Variants in ZNF418 observed in about 807,000 individuals in gnomAD.
The protein encoded by ZNF418 is zinc finger protein 418.
ZNF418 carries 32 observed loss-of-function variants against 32.0 expected under a neutral mutation model. The observed-to-expected ratio is 1.00, with a 90% confidence interval of 0.75 to 1.34. ZNF418 has a LOEUF of 1.34. ZNF418 is among the 40% of genes most tolerant of loss of function. The pLI, the probability that ZNF418 is intolerant of heterozygous loss-of-function variation, is 0.00. For missense variants in ZNF418, 804 were observed against 812.5 expected, an observed-to-expected ratio of 0.99 and a Z score of 0.13; for synonymous variants, 276 against 270.7, an observed-to-expected ratio of 1.02 and a Z score of -0.19.
At chr19:57,930,266 G>A (rs2072429914) in intron 3 of ZNF418, among the ~76,000 whole-genome samples, 162 bp downstream of exon 3, 1 of 152,154 alleles carries the variant, frequency 6.6e-6, no homozygotes, top group South Asian at 2.1e-4. Context: ...AGAAAAGGCA[G>A]TACACAAACC....
intron 4 of ZNF418, among the ~76,000 whole-genome samples, 184 bp downstream of exon 4, chr19:57,925,439 C>A (rs1183030175): frequency 1.4e-5 from 2 of 147,226 alleles, no homozygotes; most frequent in Admixed American, 6.9e-5. Flanking sequence ...CCAGCCTGGG[C>A]GACAGAGCGA....
chr19:57,923,456 A>G (rs895176779), intron 4 of ZNF418, among the ~76,000 whole-genome samples, 167 bp from the exon 5 acceptor site: 1 of 148,164 alleles, frequency 6.7e-6, no homozygotes. Context: ...ATATACACAC[A>G]TATATATACA....
chr19:57,928,835 T>G (rs950155033), intron 3 of ZNF418, among the ~76,000 whole-genome samples: 6 of 151,740 alleles, frequency 4.0e-5, no homozygotes, highest in African/African-American at 1.4e-4. Flanking sequence ...CTACTAAAAA[T>G]ACAAAAAAAT....
intron 1 of ZNF418, chr19:57,934,219 T>G: frequency 5.6e-6 from 6 of 1,075,336 alleles, no homozygotes; most frequent in African/African-American, 1.7e-5. Flanking sequence ...CACCCTCTAA[T>G]TCCCTCTGTG....
intron 3 of ZNF418, among the ~76,000 whole-genome samples, chr19:57,928,789 C>T (rs537438766): frequency 5.3e-5 from 8 of 151,972 alleles, no homozygotes; most frequent in African/African-American, 1.2e-4. Context: ...GTCAGGAGAT[C>T]GAGACCATCC....
intron 1 of ZNF418, chr19:57,934,141 TAAG>T: frequency 7.6e-7 from 1 of 1,316,804 alleles, no homozygotes; most frequent in Non-Finnish European, 9.7e-7. Flanking sequence ...AAATGGCAAG[TAAG>T]AGTCCCAGGA....
intron 3 of ZNF418, among the ~76,000 whole-genome samples, chr19:57,929,964 G>A (rs1049813758): frequency 6.6e-6 from 1 of 152,134 alleles, no homozygotes; most frequent in African/African-American, 2.4e-5. Context: ...GATTACAGGC[G>A]TGAGCCACCG....
chr19:57,930,107 C>T (rs2072421165), intron 3 of ZNF418, among the ~76,000 whole-genome samples: 1 of 152,180 alleles, frequency 6.6e-6, no homozygotes, highest in African/African-American at 2.4e-5. Context: ...GAAGTAGAAC[C>T]TGGACACACA....
rs367803970 is a variant in ZNF418 at position 57,933,753 on chromosome 19, C to T, written c.6+64G>A. The T allele has an allele frequency of 4.0e-5, 64 of 1,600,066 alleles. No individual in the cohort carries two copies. In the African/African-American group the frequency reaches 8.6e-4, roughly 21 times the overall value. Reference sequence around the variant, plus strand: ...AAAGGAAAATCTAGTTGCCATTTTACAAACTGTGAATCTTGAATCCAGCCA... The same window carrying T: ...AAAGGAAAATCTAGTTGCCATTTTATAAACTGTGAATCTTGAATCCAGCCA... On this transcript the variant is annotated intron_variant, in intron 2 of 5. Transcript: ENST00000396147.
chr19:57,932,189 C>G (rs1362884375), intron 2 of ZNF418, among the ~76,000 whole-genome samples: 1 of 152,182 alleles, frequency 6.6e-6, no homozygotes, highest in Non-Finnish European at 1.5e-5. Context: ...AAACCCAGTA[C>G]AAAGTATAAT....
intron 3 of ZNF418, among the ~76,000 whole-genome samples, chr19:57,929,282 T>G (rs983927923): frequency 1.3e-5 from 2 of 152,206 alleles, no homozygotes; most frequent in African/African-American, 4.8e-5. Context: ...TGATACGATT[T>G]GAAGAAAATC....
Position 57,927,632 on chromosome 19 carries a change from C to T in ZNF418, c.549G>A (p.Gly183=), listed in dbSNP as rs760795447. 6.2e-7 allele frequency: 1 copy of T among 1,613,846 alleles called. No individual in the cohort carries two copies. The highest frequency in any genetic ancestry group is 8.5e-7 in the Non-Finnish European group (1 of 1,179,900). ...ACTCAGGTTTGCTGTTTGACTTCTC[C>T]CCAGTGTGAGTGGCCTCCTGCAGCA... ...GLLLQEATHT[G]EKSNSKPECE... The change falls in exon 4 of 6, where the codon GGG becomes GGA. Residue 183 remains glycine (G), a synonymous_variant. Coordinates refer to ENST00000396147, the MANE Select transcript of ZNF418 (RefSeq NM_133460.3).
chr19:57,928,663 A>AC (rs1409973666), intron 3 of ZNF418, among the ~76,000 whole-genome samples: 3 of 152,286 alleles, frequency 2.0e-5, no homozygotes, highest in Non-Finnish European at 4.4e-5. Flanking sequence ...AAAATGATTT[A>AC]CAAGACAACA....
At chr19:57,932,501 C>T in intron 2 of ZNF418, 1 of 1,535,314 alleles carries the variant, frequency 6.5e-7, no homozygotes, top group East Asian at 2.4e-5. Context: ...TGCATGGCTC[C>T]ACATCCCCAC....
chr19:57,927,887 T>C lies in ZNF418; in HGVS notation c.294A>G (p.Ala98=), dbSNP rs748988325. ...GAILGDILHL[A]DHQGTHHKQK... is the part of the protein sequence containing the mutation. ...GCTTGTGATGTGTCCCCTGATGATC[T>C]GCCAAGTGCAAAATGTCTCCCAAGA... Residue 98 remains alanine (A), a synonymous_variant, in exon 4 of 6, where the codon GCA becomes GCG. Coordinates refer to ENST00000396147, the MANE Select transcript of ZNF418 (RefSeq NM_133460.3). 6.2e-7 allele frequency: 1 copy of C among 1,614,136 alleles called. No individual in the cohort carries two copies. The highest frequency in any genetic ancestry group is 8.5e-7 in the Non-Finnish European group (1 of 1,180,028).
intron 4 of ZNF418, among the ~76,000 whole-genome samples, chr19:57,923,750 A>T (rs977865679): frequency 6.6e-6 from 1 of 150,938 alleles, no homozygotes; most frequent in Non-Finnish European, 1.5e-5. Flanking sequence ...AATTTTTTGT[A>T]TTTTTTTAGT....
intron 3 of ZNF418, among the ~76,000 whole-genome samples, chr19:57,930,058 T>C (rs1194107458): frequency 6.6e-6 from 1 of 152,206 alleles, no homozygotes; most frequent in African/African-American, 2.4e-5. Flanking sequence ...TGGCAATTCC[T>C]GCCACAGGCA....
chr19:57,928,681 G>C (rs2072351083), intron 3 of ZNF418, among the ~76,000 whole-genome samples: 1 of 151,974 alleles, frequency 6.6e-6, no homozygotes, highest in Non-Finnish European at 1.5e-5. Context: ...ACAGCTCTTG[G>C]TCAGAACAGT....
intron 2 of ZNF418, chr19:57,932,503 C>T: frequency 2.0e-6 from 3 of 1,535,436 alleles, no homozygotes; most frequent in Non-Finnish European, 2.6e-6. Flanking sequence ...CATGGCTCCA[C>T]ATCCCCACAG....
Sources: gnomAD v4.1 joint callset for allele counts (sites outside exome capture counted in the v4.1 genomes callset) on GRCh38, gnomAD v4.1.1 for gene constraint, MANE v1.5 for transcripts, NCBI Gene and HGNC (gene_info 2026-07-23, HGNC 2026-07-21) for gene names.